The following PCDHGB7 variants were observed in gnomAD, a reference collection of about 807,000 sequenced individuals.
The protein encoded by PCDHGB7 is protocadherin gamma subfamily B, 7, also known as protocadherin gamma-B7.
PCDHGB7 carries 37 observed loss-of-function variants against 61.4 expected under a neutral mutation model. The ratio of observed to expected loss-of-function variants is 0.60; its 90% CI spans 0.46 to 0.79. PCDHGB7 has a LOEUF of 0.79. Ranked by LOEUF, PCDHGB7 falls within the 30% of genes least tolerant of loss-of-function variation. PCDHGB7 has a pLI of 0.00. For synonymous variants in PCDHGB7, 464 were observed against 503.5 expected, an observed-to-expected ratio of 0.92 and a Z score of 1.05; for missense variants, 1,166 against 1,202.5, an observed-to-expected ratio of 0.97 and a Z score of 0.45.
chr5:141,428,381 C>T, intron 1 of PCDHGB7: 1 of 516,406 alleles, frequency 1.9e-6, no homozygotes, highest in Non-Finnish European at 3.6e-6. Context: ...CTGCGATGCT[C>T]TTCCAGCCCC....
chr5:141,419,322 C>T lies in PCDHGB7; in HGVS notation c.1463C>T (p.Ser488Phe), dbSNP rs370480327. ...DPDFGLNGRV[S>F]YSLIASDLES... The stretch of plus-strand genomic sequence containing the variant: ...GACTTCGGGCTCAACGGCCGTGTCT[C>T]CTACTCTCTCATTGCCAGCGACCTG... The change falls in exon 1 of 4, where the codon TCC (serine) becomes TTC (phenylalanine). Residue 488 changes from serine (S) to phenylalanine (F), a missense_variant. Ser to Phe is a radical substitution (Grantham distance 155). Transcript: ENST00000398594. 164 of 1,613,852 alleles carry T rather than the reference C, an allele frequency of 1.0e-4. No individual in the cohort carries two copies. Among genetic ancestry groups the T allele is most frequent in the Non-Finnish European group, 1.3e-4 (153 of 1,179,898 alleles).
intron 3 of PCDHGB7, among the ~76,000 whole-genome samples, chr5:141,508,937 G>T (rs764041162): frequency 3.0e-4 from 45 of 152,040 alleles, no homozygotes; most frequent in Non-Finnish European, 6.3e-4. Flanking sequence ...AGTTAATTAG[G>T]GAAAACAGAG....
rs1164046040 is a variant in PCDHGB7, at chr5:141,476,557, C to A, written c.2416-18250C>A. ...AAATGAAATTGGAGATTAGCGAGGC[C>A]GTGGCTCCGGGGACGCGCTTTCCGC... is the stretch of plus-strand genomic sequence containing the variant. On this transcript the variant is annotated intron_variant, in intron 1 of 3. Transcript: ENST00000398594. This position sits in a 1 kb window ranked among gnomAD's most constrained non-coding sequence, Gnocchi z 7.6. The A allele has an allele frequency of 2.5e-6, 4 of 1,614,222 alleles. No individual in the cohort carries two copies. Among genetic ancestry groups the A allele is most frequent in the Admixed American group, 3.3e-5 (2 of 60,032 alleles).
intron 1 of PCDHGB7, among the ~76,000 whole-genome samples, chr5:141,437,236 C>A (rs2154557405): frequency 6.6e-6 from 1 of 152,278 alleles, no homozygotes; most frequent in South Asian, 2.1e-4. Context: ...AAAATTATGT[C>A]AAGGACTTTC....
In PCDHGB7 at chr5:141,486,110, G is replaced by A. The variant is rs780031943; in HGVS notation, c.2416-8697G>A. 1.2e-6 allele frequency: 2 copies of A among 1,614,162 alleles called. No individual in the cohort carries two copies. Among genetic ancestry groups the A allele is most frequent in the South Asian group, 1.1e-5 (1 of 91,078 alleles). On this transcript the variant is annotated intron_variant, in intron 1 of 3. Transcript: ENST00000398594. This position sits in a 1 kb window ranked among gnomAD's most constrained non-coding sequence, Gnocchi z 5.0. ...TTTGGGGCCCCTAGACTTTGAGAGT[G>A]AGAATTACTATGAATTTGATGTGCG...
At chr5:141,454,311 T>C (rs755771201) in intron 1 of PCDHGB7, among the ~76,000 whole-genome samples, 1 of 152,216 alleles carries the variant, frequency 6.6e-6, no homozygotes, top group Non-Finnish European at 1.5e-5. Context: ...TTTCAAAGCA[T>C]TGAAACCTCC....
chr5:141,489,428 G>A lies in PCDHGB7; in HGVS notation c.2416-5379G>A, dbSNP rs561792279. The A allele has an allele frequency of 2.5e-5, 40 of 1,614,112 alleles. No homozygotes were observed. In the Middle Eastern group the frequency reaches 4.9e-4, roughly 20 times the overall value. ...AAGATGACAGATCTGTTGAGCCGGC[G>A]GCTGCAATTGGGCTCTGAGGAGAAT... On this transcript the variant is annotated intron_variant, in intron 1 of 3. Transcript: ENST00000398594. This position sits in a 1 kb window ranked among gnomAD's most constrained non-coding sequence, Gnocchi z 4.5.
chr5:141,501,390 T>TCAC (rs1033806087), intron 2 of PCDHGB7, among the ~76,000 whole-genome samples: 4 of 151,794 alleles, frequency 2.6e-5, no homozygotes, highest in African/African-American at 9.7e-5. Flanking sequence ...CTAGGTCCTG[T>TCAC]CACAGGCCAC....
At chr5:141,455,438 C>G (rs1350941007) in intron 1 of PCDHGB7, among the ~76,000 whole-genome samples, 1 of 152,082 alleles carries the variant, frequency 6.6e-6, no homozygotes, top group Non-Finnish European at 1.5e-5. Context: ...GAGGAGGTCC[C>G]CATCTACCGC....
At chr5:141,474,658 A>G (rs950490550) in intron 1 of PCDHGB7, among the ~76,000 whole-genome samples, 13 of 152,176 alleles carry the variant, frequency 8.5e-5, no homozygotes, top group African/African-American at 3.1e-4. Flanking sequence ...CTTCTTTTCT[A>G]CCTACCTAAC....
At chr5:141,465,184 A>G (rs866520508) in intron 1 of PCDHGB7, among the ~76,000 whole-genome samples, 2 of 152,130 alleles carry the variant, frequency 1.3e-5, no homozygotes, top group Admixed American at 6.5e-5. Flanking sequence ...ATTTAATTAA[A>G]AGATAAAAAT....
rs751560177 is a variant in PCDHGB7 at position 141,432,962 on chromosome 5, G to T, written c.2415+12688G>T. 7 of 1,614,092 alleles carry T rather than the reference G, an allele frequency of 4.3e-6. No individual in the cohort carries two copies. The highest frequency in any genetic ancestry group is 5.9e-6 in the Non-Finnish European group (7 of 1,180,046). Reference sequence around the variant, plus strand: ...GGCTTCAGGAGGCGGCTTGACAGGAGCGCCGGCGTCGCACTTTGTGGGCGT... The same window carrying T: ...GGCTTCAGGAGGCGGCTTGACAGGATCGCCGGCGTCGCACTTTGTGGGCGT... On this transcript the variant is annotated intron_variant, in intron 1 of 3. Transcript: ENST00000398594. The surrounding 1 kb of genome is among the most constrained non-coding windows in gnomAD (Gnocchi z 6.0).
chr5:141,485,680 C>T lies in PCDHGB7; in HGVS notation c.2416-9127C>T. The T allele has an allele frequency of 6.2e-7, 1 of 1,613,966 alleles. No individual in the cohort carries two copies. Among genetic ancestry groups the T allele is most frequent in the South Asian group, 1.1e-5 (1 of 91,066 alleles). The stretch of plus-strand genomic sequence containing the variant: ...ATGTGGGGAGCAATTCGATTAGCAG[C>T]TATAGGCTGAGCTCCAATGAACACT... On this transcript the variant is annotated intron_variant, in intron 1 of 3. Coordinates refer to ENST00000398594, the MANE Select transcript of PCDHGB7 (RefSeq NM_018927.4). The surrounding 1 kb of genome is among the most constrained non-coding windows in gnomAD (Gnocchi z 5.7).
chr5:141,510,359 T>A (rs1229932307), intron 3 of PCDHGB7, among the ~76,000 whole-genome samples: 3 of 143,318 alleles, frequency 2.1e-5, no homozygotes, highest in African/African-American at 7.7e-5. Flanking sequence ...CTAACGGAAC[T>A]ACCGAATCTC....
chr5:141,464,483 C>G (rs192469583), intron 1 of PCDHGB7, among the ~76,000 whole-genome samples: 32 of 151,368 alleles, frequency 2.1e-4, no homozygotes, highest in African/African-American at 7.3e-4. Flanking sequence ...ATAATAAATT[C>G]CTAATAGTGT....
At chr5:141,478,765 C>T in intron 1 of PCDHGB7, 1 of 1,508,614 alleles carries the variant, frequency 6.6e-7, no homozygotes, top group Non-Finnish European at 8.9e-7. Context: ...AGATACTTGA[C>T]TCATCTGTGG....
At position 141,490,545 on chromosome 5, in the gene PCDHGB7, C is replaced by T; in HGVS notation, c.2416-4262C>T. 3 of 1,614,164 alleles carry T rather than the reference C, an allele frequency of 1.9e-6. No homozygotes were observed. The highest frequency in any genetic ancestry group is 2.5e-6 in the Non-Finnish European group (3 of 1,180,018). ...GCGATGCTGGTTCACCTTCCCTACA[C>T]AAACATCTCACCATCAGGCTCAACA... On this transcript the variant is annotated intron_variant, in intron 1 of 3. Coordinates refer to ENST00000398594, the MANE Select transcript of PCDHGB7 (RefSeq NM_018927.4). The surrounding 1 kb of genome is among the most constrained non-coding windows in gnomAD (Gnocchi z 5.4).
At position 141,432,458 on chromosome 5, in the gene PCDHGB7, C is replaced by T. The variant is rs1368524835; in HGVS notation, c.2415+12184C>T. 1.9e-6 allele frequency: 3 copies of T among 1,614,136 alleles called. No individual in the cohort carries two copies. The highest frequency in any genetic ancestry group is 8.5e-7 in the Non-Finnish European group (1 of 1,180,066). ...TGCGCCCGAGATCCTGTACCCCGCC[C>T]TCCCCACGGACGGTTCCACTGGCGT... On this transcript the variant is annotated intron_variant, in intron 1 of 3. Transcript: ENST00000398594. This position sits in a 1 kb window ranked among gnomAD's most constrained non-coding sequence, Gnocchi z 6.0.
chr5:141,418,000 G>T lies in PCDHGB7; in HGVS notation c.141G>T (p.Val47=). 6.2e-7 allele frequency: 1 copy of T among 1,613,902 alleles called. No homozygotes were observed. Among genetic ancestry groups the T allele is most frequent in the Non-Finnish European group, 8.5e-7 (1 of 1,179,780 alleles). ...IPEELAKGSV[V]GNLAKDLGLS... ...AGGAGCTGGCCAAGGGCTCGGTGGT[G>T]GGGAACCTCGCTAAGGATCTAGGGC... The change falls in exon 1 of 4, where the codon GTG becomes GTT. Residue 47 remains valine, a synonymous_variant. Coordinates refer to ENST00000398594, the MANE Select transcript of PCDHGB7 (RefSeq NM_018927.4).
Sources: gnomAD v4.1 joint callset for allele counts (sites outside exome capture counted in the v4.1 genomes callset) on GRCh38, gnomAD v4.1.1 for gene constraint, Gnocchi (gnomAD v3.1) non-coding constraint, MANE v1.5 for transcripts, NCBI Gene and HGNC (gene_info 2026-07-23, HGNC 2026-07-21) for gene names.